The following SLC26A8 variants were observed in gnomAD, a reference collection of about 807,000 sequenced individuals.
The protein encoded by SLC26A8 is solute carrier family 26 member 8, also known as testis anion transporter 1.
SLC26A8 carries 70 observed loss-of-function variants against 105.0 expected under a neutral mutation model. That is an observed-to-expected ratio of 0.67 (90% CI 0.55 to 0.81). The LOEUF (loss-of-function observed/expected upper bound fraction) is 0.81. Among genes scored for constraint, SLC26A8 ranks in the 40% least tolerant of loss-of-function variants. The pLI, the probability that SLC26A8 is intolerant of heterozygous loss-of-function variation, is 0.00. For missense variants in SLC26A8, 998 were observed against 1,181.8 expected, an observed-to-expected ratio of 0.84 and a Z score of 2.28; for synonymous variants, 415 against 438.3, an observed-to-expected ratio of 0.95 and a Z score of 0.66.
At chr6:35,991,947 G>T in intron 6 of SLC26A8, 139 bp from the exon 7 acceptor site, 1 of 785,556 alleles carries the variant, frequency 1.3e-6, no homozygotes, top group Non-Finnish European at 1.8e-6. Flanking sequence ...GGTATTACTA[G>T]AACAGTGAGG....
intron 2 of SLC26A8, among the ~76,000 whole-genome samples, chr6:36,017,085 C>T (rs183055802): frequency 8.6e-5 from 13 of 151,820 alleles, no homozygotes; most frequent in Admixed American, 3.9e-4. Flanking sequence ...GCAGGAGAAT[C>T]GCTTGAACTT....
At chr6:35,965,590 G>C (rs192220681) in intron 11 of SLC26A8, among the ~76,000 whole-genome samples, 144 of 151,540 alleles carry the variant, frequency 9.5e-4, no homozygotes, top group Non-Finnish European at 1.6e-3. Context: ...GCTGAGGCAG[G>C]AGAATCGCTT....
chr6:35,975,806 G>A (rs1466895905), intron 9 of SLC26A8, among the ~76,000 whole-genome samples: 11 of 151,424 alleles, frequency 7.3e-5, no homozygotes, highest in African/African-American at 2.4e-4. Context: ...CCAGCTACTC[G>A]GGAGTCTGAG....
chr6:35,975,433 A>G lies in SLC26A8; in HGVS notation c.1229T>C (p.Val410Ala). 7 of 1,613,888 alleles carry G rather than the reference A, an allele frequency of 4.3e-6. No individual in the cohort carries two copies. The highest frequency in any genetic ancestry group is 5.9e-6 in the Non-Finnish European group (7 of 1,179,874). The change falls in exon 10 of 20, where the codon GTG (valine) becomes GCG (alanine). Residue 410 changes from valine to alanine, a missense_variant. Transcript: ENST00000490799. ...NVVSSFFRSCVFTGAIARTII... is the reference protein window; with the variant it reads ...NVVSSFFRSCAFTGAIARTII... ...AGTCCTAGCAATAGCACCAGTAAAC[A>G]CACAAGATCTGAAAAATGAACTGAC...
At position 35,951,479 on chromosome 6, in the gene SLC26A8, G is replaced by A. The variant is rs767269587; in HGVS notation, c.2253C>T (p.Asn751=). Residue 751 remains asparagine (N), a synonymous_variant, in exon 18 of 20, where the codon AAC becomes AAT. Coordinates refer to ENST00000490799, the MANE Select transcript of SLC26A8 (RefSeq NM_052961.4). ...CTGCAATGAGTATCAAAATGTTGGC[G>A]TTTTGAAAGGCATTGCATATCTGTG... The part of the protein sequence containing the change: ...VLRQICNAFQ[N]ANILILIAGC... The A allele has an allele frequency of 2.0e-5, 33 of 1,613,992 alleles. No individual in the cohort carries two copies. The Admixed American group carries it at 2.5e-4, about 12-fold the overall frequency.
chr6:35,951,113 ACT>A, intron 19 of SLC26A8, 48 bp downstream of exon 19: 7 of 535,910 alleles, frequency 1.3e-5, no homozygotes, highest in Middle Eastern at 6.1e-4. Flanking sequence ...CCATCCCCCC[ACT>A]GCCCTCAATC....
At position 35,961,060 on chromosome 6, in the gene SLC26A8, C is replaced by A. The variant is rs1236054427; in HGVS notation, c.1501G>T (p.Gly501Ter). Residue 501 changes from glycine to a stop codon, truncating the protein, a stop_gained, in exon 13 of 20, where the codon GGA becomes TGA. Transcript: ENST00000490799. LOFTEE classifies it high-confidence loss of function. Reference protein sequence around the residue: ...MMTFSSSIFLGLDIGLIISVV... With the variant: ...MMTFSSSIFL ...GAGATAATTAGTCCAATGTCCAGTCCCAGGAAAATTGAAGATGAGAATGTC... is the reference window on the plus strand; with the variant it reads ...GAGATAATTAGTCCAATGTCCAGTCACAGGAAAATTGAAGATGAGAATGTC... The A allele has an allele frequency of 6.2e-7, 1 of 1,614,008 alleles. No individual in the cohort carries two copies. The highest frequency in any genetic ancestry group is 1.7e-5 in the Admixed American group (1 of 60,012).
intron 12 of SLC26A8, among the ~76,000 whole-genome samples, chr6:35,961,314 T>C (rs1310445853): frequency 6.6e-6 from 1 of 152,184 alleles, no homozygotes; most frequent in African/African-American, 2.4e-5. Flanking sequence ...CGCCTCTGTC[T>C]TCAAATCTCT....
chr6:36,023,921 A>G (rs1313117068), intron 1 of SLC26A8, among the ~76,000 whole-genome samples: 1 of 152,148 alleles, frequency 6.6e-6, no homozygotes, highest in Non-Finnish European at 1.5e-5. Context: ...TGACCATTGG[A>G]CACATAAACA....
chr6:35,962,690 GA>G (rs1772363053), intron 11 of SLC26A8, 69 bp from the exon 12 acceptor site: 3 of 1,475,950 alleles, frequency 2.0e-6, no homozygotes, highest in Non-Finnish European at 2.8e-6. Context: ...CCCCACCAAG[GA>G]ATCACAAAAA....
At chr6:35,967,173 G>C (rs945333301) in intron 11 of SLC26A8, among the ~76,000 whole-genome samples, 11 of 152,134 alleles carry the variant, frequency 7.2e-5, no homozygotes, top group African/African-American at 2.4e-4. Flanking sequence ...TTGGCTCCAA[G>C]GTCCTTGAAT....
intron 19 of SLC26A8, among the ~76,000 whole-genome samples, chr6:35,948,097 A>T (rs1771736723): frequency 6.6e-6 from 1 of 152,154 alleles, no homozygotes; most frequent in Non-Finnish European, 1.5e-5. Flanking sequence ...TTCTCAAGGG[A>T]TTTTATATTT....
rs189677862 is a variant in SLC26A8 at position 36,019,686 on chromosome 6, C to T, written c.22G>A (p.Ala8Thr). MAQLERSAISGFSSKSRR... is the reference protein window; with the variant it reads MAQLERSTISGFSSKSRR... Reference sequence around the variant, plus strand: ...GACTTAGAGCTGAAGCCAGAGATGGCGCTCCTCTCTAGTTGTGCCATTCCT... The same window carrying T: ...GACTTAGAGCTGAAGCCAGAGATGGTGCTCCTCTCTAGTTGTGCCATTCCT... The change falls in exon 2 of 20, where the codon GCC becomes ACC. Residue 8 changes from alanine (A) to threonine (T), a missense_variant. By Grantham distance (58) the Ala-to-Thr change is moderately conservative. Transcript: ENST00000490799. The T allele has an allele frequency of 8.1e-5, 130 of 1,613,266 alleles. No individual in the cohort carries two copies. Among genetic ancestry groups the T allele is most frequent in the Non-Finnish European group, 8.3e-5 (98 of 1,179,584 alleles).
intron 8 of SLC26A8, among the ~76,000 whole-genome samples, chr6:35,979,495 T>A (rs548626539): frequency 3.8e-4 from 58 of 152,032 alleles, no homozygotes; most frequent in Admixed American, 2.2e-3. Flanking sequence ...AATAAAATAA[T>A]TTATAACTGA....
In SLC26A8 at chr6:35,973,621, C is replaced by G. The variant is rs144246231; in HGVS notation, c.1287+1754G>C. Among the ~76,000 whole-genome samples, 172 of 152,154 alleles carry G rather than the reference C, an allele frequency of 1.1e-3. 2 individuals carry two copies. The highest frequency in any genetic ancestry group is 2.7e-3 in the Admixed American group (42 of 15,274). On this transcript the variant is annotated intron_variant, in intron 10 of 19. Coordinates refer to ENST00000490799, the MANE Select transcript of SLC26A8 (RefSeq NM_052961.4). The stretch of plus-strand genomic sequence containing the variant: ...TTTATGTGTGGCCCAAGACAATTCT[C>G]CTTCTTCCAGTGGGGCCAGGGAAGC...
chr6:36,006,175 A>T (rs573608246), intron 3 of SLC26A8, among the ~76,000 whole-genome samples: 135 of 152,126 alleles, frequency 8.9e-4, no homozygotes, highest in Non-Finnish European at 7.4e-4. Context: ...GCTGGAATGC[A>T]GTGGTGTGAT....
intron 19 of SLC26A8, among the ~76,000 whole-genome samples, chr6:35,945,720 A>C (rs1771635688): frequency 6.6e-6 from 1 of 152,062 alleles, no homozygotes; most frequent in Non-Finnish European, 1.5e-5. Context: ...CATATTCTTT[A>C]TTTATTTACA....
chr6:35,969,578 C>G (rs1283855215), intron 10 of SLC26A8: 1 of 151,014 alleles, frequency 6.6e-6, no homozygotes, highest in Non-Finnish European at 1.5e-5. Flanking sequence ...AGCCTGGCGA[C>G]AGAGTGAGAC....
At chr6:35,963,746 C>T (rs1173191585) in intron 11 of SLC26A8, among the ~76,000 whole-genome samples, 1 of 152,164 alleles carries the variant, frequency 6.6e-6, no homozygotes. Context: ...TATCTGTTAC[C>T]TACCTTATCT....
Sources: gnomAD v4.1 joint callset for allele counts (sites outside exome capture counted in the v4.1 genomes callset) on GRCh38, gnomAD v4.1.1 for gene constraint, MANE v1.5 for transcripts, NCBI Gene and HGNC (gene_info 2026-07-23, HGNC 2026-07-21) for gene names.